Variants in MTSS1 observed in about 807,000 individuals in gnomAD.
MTSS1 encodes MTSS I-BAR domain containing 1.
MTSS1 carries 18 observed loss-of-function variants against 79.0 expected under a neutral mutation model. That is an observed-to-expected ratio of 0.23 (90% CI 0.16 to 0.34). The LOEUF is 0.34. Among genes scored for constraint, MTSS1 ranks in the 10% least tolerant of loss-of-function variants. The probability of loss-of-function intolerance (pLI) is 1.00; values close to 1 mark genes in which losing one functional copy is unlikely to be tolerated. For missense variants in MTSS1, 815 were observed against 986.2 expected (o/e 0.83, Z 2.33); for synonymous variants, 341 against 368.6 (o/e 0.93, Z 0.86).
chr8:124,568,371 T>C lies in MTSS1; in HGVS notation c.618+8A>G. 1 of 1,609,770 alleles carries C rather than the reference T, an allele frequency of 6.2e-7. No individual in the cohort carries two copies. The highest frequency in any genetic ancestry group is 8.5e-7 in the Non-Finnish European group (1 of 1,176,772). ...GTTTAAACCTTCTGGAGTTTTCCAT[T>C]AACTTACAATCACTGGCCGCAGCAT... is the stretch of plus-strand genomic sequence containing the variant. On this transcript the variant is annotated splice_region_variant and intron_variant, in intron 7 of 13. Transcript: ENST00000518547.
chr8:124,649,350 A>G (rs1460623363), intron 3 of MTSS1, among the ~76,000 whole-genome samples: 1 of 152,204 alleles, frequency 6.6e-6, no homozygotes, highest in Admixed American at 6.5e-5. Flanking sequence ...AGAGGTGTCC[A>G]TCATTATCAG....
At chr8:124,577,778 T>C (rs114609448) in intron 6 of MTSS1, among the ~76,000 whole-genome samples, 1,929 of 152,236 alleles carry the variant, frequency 0.013, 48 homozygotes, top group African/African-American at 0.044. Context: ...CTCACTCCAC[T>C]GACATCCCTG....
chr8:124,657,392 G>C (rs1332619263), intron 3 of MTSS1, among the ~76,000 whole-genome samples: 1 of 150,820 alleles, frequency 6.6e-6, no homozygotes, highest in African/African-American at 2.4e-5. Context: ...CCATAATAAA[G>C]TGTTGAAAAT....
intron 1 of MTSS1, among the ~76,000 whole-genome samples, chr8:124,722,733 G>A (rs1833127445): frequency 6.6e-6 from 1 of 152,156 alleles, no homozygotes; most frequent in Admixed American, 6.5e-5. Flanking sequence ...GACATCCTAG[G>A]CAGCTAAATC....
At chr8:124,627,699 A>T (rs1047518606) in intron 3 of MTSS1, among the ~76,000 whole-genome samples, 1 of 152,208 alleles carries the variant, frequency 6.6e-6, no homozygotes, top group African/African-American at 2.4e-5. Flanking sequence ...GGATCACTGA[A>T]AGGGTAATGT....
chr8:124,712,041 C>T (rs1432647893), intron 1 of MTSS1, among the ~76,000 whole-genome samples: 1 of 150,728 alleles, frequency 6.6e-6, no homozygotes, highest in African/African-American at 2.4e-5. Flanking sequence ...ACATGAAACA[C>T]ACAACAAAGA....
At chr8:124,579,903 T>G (rs1484331242) in intron 6 of MTSS1, 2 of 152,354 alleles carry the variant, frequency 1.3e-5, no homozygotes, top group African/African-American at 4.8e-5. Context: ...CAACTTGAAG[T>G]TTTGGCAGCA....
At chr8:124,687,839 C>T (rs1246463073) in intron 3 of MTSS1, among the ~76,000 whole-genome samples, 2 of 152,178 alleles carry the variant, frequency 1.3e-5, no homozygotes, top group Admixed American at 6.5e-5. Context: ...TAAAAGGGCG[C>T]GTATTAAAGG....
intron 3 of MTSS1, among the ~76,000 whole-genome samples, chr8:124,631,068 A>C (rs4871524): frequency 6.6e-6 from 1 of 152,102 alleles, no homozygotes. Flanking sequence ...AGGAGGACTG[A>C]GAGCACTTGA....
At chr8:124,581,926 C>T (rs971906995) in intron 6 of MTSS1, among the ~76,000 whole-genome samples, 3 of 152,180 alleles carry the variant, frequency 2.0e-5, no homozygotes, top group Non-Finnish European at 4.4e-5. Flanking sequence ...CCAAGACCTC[C>T]AAGGCAATAA....
intron 3 of MTSS1, among the ~76,000 whole-genome samples, chr8:124,663,962 T>C (rs1822575758): frequency 6.6e-6 from 1 of 152,102 alleles, no homozygotes; most frequent in Non-Finnish European, 1.5e-5. Flanking sequence ...AAACCCGGGA[T>C]GGACTGGTGC....
At chr8:124,675,835 G>A (rs923137967) in intron 3 of MTSS1, among the ~76,000 whole-genome samples, 14 of 152,158 alleles carry the variant, frequency 9.2e-5, no homozygotes, top group African/African-American at 2.2e-4. Flanking sequence ...CCCTTTTTAC[G>A]GTTGAATAAT....
intron 6 of MTSS1, among the ~76,000 whole-genome samples, chr8:124,569,516 A>G (rs1387788185): frequency 6.6e-6 from 1 of 152,202 alleles, no homozygotes; most frequent in African/African-American, 2.4e-5. Flanking sequence ...CAGCTACTAC[A>G]AATCTGATCT....
In MTSS1 at chr8:124,646,653, G is replaced by A. The variant is rs1357705910; in HGVS notation, c.208+52873C>T. Among the ~76,000 whole-genome samples the A allele has an allele frequency of 2.6e-5, 4 of 152,110 alleles. No homozygotes were observed. The South Asian group carries it at 6.2e-4, about 24-fold the overall frequency. ...AAGTGCTTTAAAAGACAAAATGCCCGTGAGTTTTAAACCATCCACAGAGAA... is the reference window on the plus strand; with the variant it reads ...AAGTGCTTTAAAAGACAAAATGCCCATGAGTTTTAAACCATCCACAGAGAA... On this transcript the variant is annotated intron_variant, in intron 3 of 13. Transcript: ENST00000518547.
At chr8:124,565,794 C>T (rs1051254924) in intron 8 of MTSS1, 35 bp from the exon 9 acceptor site, 1 of 1,525,018 alleles carries the variant, frequency 6.6e-7, no homozygotes, top group African/African-American at 1.4e-5. Context: ...GAATGAGGTG[C>T]TGAGAGGGGA....
chr8:124,575,159 G>A (rs1828723431), intron 6 of MTSS1, among the ~76,000 whole-genome samples: 1 of 152,100 alleles, frequency 6.6e-6, no homozygotes, highest in Non-Finnish European at 1.5e-5. Flanking sequence ...AGCAAAAGGA[G>A]GCTATCCTCA....
In MTSS1 at chr8:124,557,780, G is replaced by A; in HGVS notation, c.1131C>T (p.Arg377=). ...GLFPHCLPAS[R]LLPRVTSVHL... is the part of the protein sequence containing the mutation. Reference sequence around the variant, plus strand: ...GGACAGAGGTGACCCGAGGGAGCAGGCGGGAGGCAGGCAGGCAATGAGGGA... The same window carrying A: ...GGACAGAGGTGACCCGAGGGAGCAGACGGGAGGCAGGCAGGCAATGAGGGA... Residue 377 remains arginine, a synonymous_variant, in exon 11 of 14, where the codon CGC becomes CGT. Transcript: ENST00000518547. 6.2e-7 allele frequency: 1 copy of A among 1,606,792 alleles called. No homozygotes were observed. Among genetic ancestry groups the A allele is most frequent in the South Asian group, 1.1e-5 (1 of 89,366 alleles).
At chr8:124,662,020 G>A (rs1428199141) in intron 3 of MTSS1, among the ~76,000 whole-genome samples, 1 of 152,190 alleles carries the variant, frequency 6.6e-6, no homozygotes, top group Non-Finnish European at 1.5e-5. Flanking sequence ...AGATTAAAGA[G>A]AAAGGGAAAT....
chr8:124,564,729 A>C (rs977217389), intron 9 of MTSS1: 7 of 151,592 alleles, frequency 4.6e-5, no homozygotes, highest in Non-Finnish European at 1.0e-4. Flanking sequence ...AGTCGACAGA[A>C]GATAAGAAAC....
Sources: allele counts gnomAD v4.1 joint callset (sites outside exome capture counted in the v4.1 genomes callset), GRCh38; gene constraint gnomAD v4.1.1; transcripts MANE v1.5; gene names NCBI Gene and HGNC (gene_info 2026-07-23, HGNC 2026-07-21).